The following JAK2 variants were observed in gnomAD, a reference collection of about 807,000 sequenced individuals.
The protein encoded by JAK2 is tyrosine-protein kinase JAK2.
JAK2 carries 86 observed loss-of-function variants against 139.3 expected under a neutral mutation model. The ratio of observed to expected loss-of-function variants is 0.62; its 90% confidence interval spans 0.52 to 0.74. The LOEUF is 0.74. Ranked by LOEUF, JAK2 falls within the 30% of genes least tolerant of loss-of-function variation. JAK2 has a pLI of 0.00. For missense variants in JAK2, 1,421 were observed against 1,360.3 expected, an observed-to-expected ratio of 1.04 and a Z score of -0.70; for synonymous variants, 490 against 437.7, an observed-to-expected ratio of 1.12 and a Z score of -1.49.
chr9:5,018,343 T>C (rs1822202845), intron 2 of JAK2, among the ~76,000 whole-genome samples: 1 of 152,156 alleles, frequency 6.6e-6, no homozygotes, highest in African/African-American at 2.4e-5. Flanking sequence ...GTTTGTTTCT[T>C]TTTTGAGACA....
At chr9:5,002,295 C>T (rs191875506) in intron 2 of JAK2, among the ~76,000 whole-genome samples, 2 of 151,870 alleles carry the variant, frequency 1.3e-5, no homozygotes, top group African/African-American at 4.8e-5. Flanking sequence ...TACATTCTCT[C>T]TAACCACTAT....
chr9:5,110,154 C>G (rs1336234720), intron 22 of JAK2: 1 of 152,222 alleles, frequency 6.6e-6, no homozygotes, highest in African/African-American at 2.4e-5. Flanking sequence ...CGGCCTCCAT[C>G]CCTGACTTCC....
intron 22 of JAK2, among the ~76,000 whole-genome samples, chr9:5,119,781 T>C (rs1823473317): frequency 6.6e-6 from 1 of 152,122 alleles, no homozygotes; most frequent in Non-Finnish European, 1.5e-5. Flanking sequence ...ATGATCAAAA[T>C]TTTCATATGT....
intron 22 of JAK2, among the ~76,000 whole-genome samples, chr9:5,118,496 CAATGT>C: frequency 6.6e-6 from 1 of 152,220 alleles, no homozygotes; most frequent in African/African-American, 2.4e-5. Flanking sequence ...TTTTCCAAAG[CAATGT>C]AAATAACAAA....
At chr9:5,094,610 C>T (rs370730902) in intron 22 of JAK2, 1 of 152,130 alleles carries the variant, frequency 6.6e-6, no homozygotes, top group Non-Finnish European at 1.5e-5. Flanking sequence ...CATCATGACC[C>T]TTAGCCATAT....
intron 22 of JAK2, among the ~76,000 whole-genome samples, chr9:5,092,909 G>C (rs1820696651): frequency 6.6e-6 from 1 of 152,140 alleles, no homozygotes; most frequent in Non-Finnish European, 1.5e-5. Flanking sequence ...CAGCTCTTTA[G>C]ACCCTAGGAA....
At chr9:5,087,568 T>C (rs1187688513) in intron 19 of JAK2, among the ~76,000 whole-genome samples, 1 of 152,206 alleles carries the variant, frequency 6.6e-6, no homozygotes, top group Non-Finnish European at 1.5e-5. Flanking sequence ...TTCATCTCCT[T>C]CTTCCATAAG....
chr9:5,041,107 C>T, intron 4 of JAK2: 1 of 797,720 alleles, frequency 1.3e-6, no homozygotes, highest in South Asian at 1.5e-5. Flanking sequence ...CCTGTTCGAC[C>T]TTCACGCCCA....
At chr9:5,114,409 G>A (rs1311960429) in intron 22 of JAK2, 5 of 502,416 alleles carry the variant, frequency 1.0e-5, no homozygotes, top group African/African-American at 3.9e-5. Context: ...ACCAGAGACT[G>A]GATCAAGGGG....
At chr9:5,028,232 T>C (rs1440234320) in intron 3 of JAK2, among the ~76,000 whole-genome samples, 4 of 152,230 alleles carry the variant, frequency 2.6e-5, no homozygotes, top group Non-Finnish European at 5.9e-5. Flanking sequence ...TGAAATTCAA[T>C]GTACATCTTC....
At chr9:5,005,259 C>T (rs751575197) in intron 2 of JAK2, among the ~76,000 whole-genome samples, 1 of 151,424 alleles carries the variant, frequency 6.6e-6, no homozygotes, top group Admixed American at 6.6e-5. Context: ...CTGTATTGTC[C>T]TTTGAGGAAT....
intron 8 of JAK2, among the ~76,000 whole-genome samples, chr9:5,063,963 C>G (rs902431360): frequency 6.6e-6 from 1 of 152,218 alleles, no homozygotes; most frequent in Non-Finnish European, 1.5e-5. Context: ...TGAGACCAGC[C>G]TGGCCAACAT....
intron 4 of JAK2, chr9:5,041,438 T>TGCA: frequency 3.2e-6 from 2 of 621,844 alleles, no homozygotes. Flanking sequence ...GTACTTCCTG[T>TGCA]GCAGCAGCCT....
At chr9:5,110,865 C>T (rs1183915612) in intron 22 of JAK2, 5 of 498,894 alleles carry the variant, frequency 1.0e-5, no homozygotes, top group African/African-American at 1.9e-5. Flanking sequence ...CATGCCGCCG[C>T]GCCCAGCAGG....
chr9:5,104,083 G>A lies in JAK2; in HGVS notation c.3059+13172G>A, dbSNP rs1018735532. Among the ~76,000 whole-genome samples the A allele has an allele frequency of 9.9e-5, 15 of 152,270 alleles. 1 individual carries two copies. Among genetic ancestry groups the A allele is most frequent in the African/African-American group, 3.4e-4 (14 of 41,548 alleles). On this transcript the variant is annotated intron_variant, in intron 22 of 24. Coordinates refer to ENST00000381652, the MANE Select transcript of JAK2 (RefSeq NM_004972.4). Reference sequence around the variant, plus strand: ...AACTAAGATCAGAGCAGAACTGAAGGAGATAGAGACACAACTCTTCAAAAA... The same window carrying A: ...AACTAAGATCAGAGCAGAACTGAAGAAGATAGAGACACAACTCTTCAAAAA...
At chr9:5,079,398 C>A (rs995899858) in intron 16 of JAK2, among the ~76,000 whole-genome samples, 3 of 152,134 alleles carry the variant, frequency 2.0e-5, no homozygotes, top group Admixed American at 6.6e-5. Flanking sequence ...TTGAGAAATT[C>A]CGTGATTTGA....
intron 4 of JAK2, chr9:5,040,823 C>G (rs183555322): frequency 4.7e-6 from 1 of 210,670 alleles, no homozygotes; most frequent in South Asian, 5.5e-5. Context: ...GAGCGGGGCC[C>G]GAGTGGGGCG....
chr9:5,111,354 T>C (rs1180120869), intron 22 of JAK2: 6 of 407,410 alleles, frequency 1.5e-5, no homozygotes, highest in Non-Finnish European at 1.4e-5. Flanking sequence ...GACCTCCCGG[T>C]ACTACCCCTC....
At chr9:5,026,259 A>G (rs1307876292) in intron 3 of JAK2, among the ~76,000 whole-genome samples, 3 of 152,178 alleles carry the variant, frequency 2.0e-5, no homozygotes, top group African/African-American at 7.2e-5. Context: ...AGTACATGAT[A>G]TTGGTAATCA....
Sources: allele counts gnomAD v4.1 joint callset (sites outside exome capture counted in the v4.1 genomes callset), GRCh38; gene constraint gnomAD v4.1.1; transcripts MANE v1.5; gene names NCBI Gene and HGNC (gene_info 2026-07-23, HGNC 2026-07-21).